The following AFAP1L1 variants were observed in gnomAD, a reference collection of about 807,000 sequenced individuals.
AFAP1L1 encodes the protein actin filament-associated protein 1-like 1.
In AFAP1L1, 77 loss-of-function variants were observed where a neutral mutation model predicts 99.8. That is an observed-to-expected ratio of 0.77 (90% confidence interval 0.64 to 0.93). The LOEUF (loss-of-function observed/expected upper bound fraction) is 0.93, where lower values mean the gene tolerates loss of function less well. AFAP1L1 is among the 40% of genes least tolerant of loss of function. The pLI is 0.00. For missense variants in AFAP1L1, 893 were observed against 996.8 expected (o/e 0.90, Z 1.40); for synonymous variants, 373 against 395.3 (o/e 0.94, Z 0.67).
At chr5:149,327,483 T>C (rs569482469) in intron 15 of AFAP1L1, among the ~76,000 whole-genome samples, 81 of 152,204 alleles carry the variant, frequency 5.3e-4, no homozygotes, top group African/African-American at 1.6e-3. Context: ...ACTACAGTTA[T>C]ATGGAATATA....
rs1002782225 is a variant in AFAP1L1 at position 149,340,877 on chromosome 5, T to A, written c.*847T>A. 8.2e-6 allele frequency: 1 copy of A among 121,224 alleles called. No homozygotes were observed. 7.5% of individuals were successfully genotyped at this position (121,224 alleles called of 1,614,324 possible). On this transcript the variant is annotated 3_prime_UTR_variant, in exon 19 of 19. Transcript: ENST00000296721. Reference sequence around the variant, plus strand: ...TATGGGTTAGAAATCCAGGAGGCAATATGTCTTTATTCTAATGAAGTCCTC... The same window carrying A: ...TATGGGTTAGAAATCCAGGAGGCAAAATGTCTTTATTCTAATGAAGTCCTC...
intron 1 of AFAP1L1, among the ~76,000 whole-genome samples, chr5:149,298,672 C>T (rs916257947): frequency 6.6e-6 from 1 of 152,134 alleles, no homozygotes; most frequent in Non-Finnish European, 1.5e-5. Flanking sequence ...TGGTCTTTGG[C>T]TCTAAGGCAA....
intron 1 of AFAP1L1, among the ~76,000 whole-genome samples, chr5:149,295,734 GT>G (rs990132083): frequency 2.0e-5 from 3 of 152,210 alleles, no homozygotes; most frequent in African/African-American, 7.2e-5. Context: ...AGTTTTTAAA[GT>G]TTTAAAGTGT....
chr5:149,333,995 C>T (rs1757334979), intron 17 of AFAP1L1, among the ~76,000 whole-genome samples: 1 of 152,186 alleles, frequency 6.6e-6, no homozygotes, highest in Admixed American at 6.5e-5. Context: ...AATTGGACTA[C>T]ATCCATTTGT....
At chr5:149,298,826 C>T (rs191788051) in intron 1 of AFAP1L1, among the ~76,000 whole-genome samples, 2 of 152,248 alleles carry the variant, frequency 1.3e-5, no homozygotes, top group East Asian at 1.9e-4. Context: ...CAGCTTGGTG[C>T]GGATCAGAAA....
rs768553172 is a variant in AFAP1L1 at position 149,319,643 on chromosome 5, G to T, written c.1541G>T (p.Arg514Ile). 15 of 1,613,064 alleles carry T rather than the reference G, an allele frequency of 9.3e-6. No individual in the cohort carries two copies. The highest frequency in any genetic ancestry group is 1.3e-5 in the Non-Finnish European group (15 of 1,180,020). ...LGLLLVEMGSRVTPEALHYDY... is the reference protein window; with the variant it reads ...LGLLLVEMGSIVTPEALHYDY... ...CTGCTGCTGGTGGAGATGGGCTCCA[G>T]AGTCACTCCGGAGGCGCTGCACTAT... The change falls in exon 13 of 19, where the codon AGA (arginine) becomes ATA (isoleucine). Residue 514 changes from arginine to isoleucine, a missense_variant. By Grantham distance (97) the Arg-to-Ile change is moderately conservative. Transcript: ENST00000296721.
rs1350024936 is a variant in AFAP1L1 at position 149,342,111 on chromosome 5, G to A, written c.*2081G>A. Among the ~76,000 whole-genome samples, 5 of 152,192 alleles carry A rather than the reference G, an allele frequency of 3.3e-5. No homozygotes were observed. Among genetic ancestry groups the A allele is most frequent in the Admixed American group, 3.3e-4 (5 of 15,280 alleles). On this transcript the variant is annotated 3_prime_UTR_variant, in exon 19 of 19. Coordinates refer to ENST00000296721, the MANE Select transcript of AFAP1L1 (RefSeq NM_152406.4). The stretch of plus-strand genomic sequence containing the variant: ...CCTGTGCAGTCACACAGGGCCCCAT[G>A]CTTAGAAGGGCCCTGTTCTTGGTTT...
intron 1 of AFAP1L1, chr5:149,276,666 A>G (rs950917075): frequency 7.6e-6 from 1 of 132,214 alleles, no homozygotes. Context: ...TTTAGTAATT[A>G]CAATTTTTTT....
At chr5:149,281,787 A>T (rs1266734521) in intron 1 of AFAP1L1, among the ~76,000 whole-genome samples, 2 of 152,128 alleles carry the variant, frequency 1.3e-5, no homozygotes, top group African/African-American at 2.4e-5. Context: ...TATACGAGGG[A>T]CTTGCTAGTT....
chr5:149,309,869 G>A (rs989167097), intron 7 of AFAP1L1, 87 bp from the exon 8 acceptor site: 21 of 1,567,874 alleles, frequency 1.3e-5, no homozygotes, highest in East Asian at 2.2e-5. Context: ...AAGGGAGGTC[G>A]GGCTTCCCCC....
rs1561675605 is a variant in AFAP1L1, at chr5:149,312,213, G to T, written c.1020+9G>T. ...AGTTGGACCTGGACAAGGTATATCT[G>T]TCTCCACTAAGTCTTCCCCAGGCCA... On this transcript the variant is annotated intron_variant, in intron 9 of 18. Transcript: ENST00000296721. The T allele has an allele frequency of 6.2e-7, 1 of 1,613,738 alleles. No homozygotes were observed.
chr5:149,330,439 T>C (rs995587320), intron 16 of AFAP1L1, among the ~76,000 whole-genome samples: 19 of 152,186 alleles, frequency 1.2e-4, no homozygotes, highest in Admixed American at 1.2e-3. Context: ...CACAAACATG[T>C]AGCCCTATGA....
chr5:149,282,085 G>C (rs1755535920), intron 1 of AFAP1L1, among the ~76,000 whole-genome samples: 1 of 152,138 alleles, frequency 6.6e-6, no homozygotes, highest in South Asian at 2.1e-4. Context: ...TTCCATTCGG[G>C]GAATCCCAGC....
chr5:149,333,309 G>T (rs988788167), intron 17 of AFAP1L1, among the ~76,000 whole-genome samples: 1 of 152,192 alleles, frequency 6.6e-6, no homozygotes, highest in Non-Finnish European at 1.5e-5. Flanking sequence ...CAGAGATGTC[G>T]AATGACTTGC....
At chr5:149,316,121 C>G (rs781405915) in intron 10 of AFAP1L1, 30 bp from the exon 11 acceptor site, 2 of 1,603,786 alleles carry the variant, frequency 1.2e-6, no homozygotes, top group East Asian at 2.2e-5. Context: ...TCAGGGCTCC[C>G]TCCACTCCCC....
chr5:149,331,426 C>G (rs1757255655), intron 16 of AFAP1L1, among the ~76,000 whole-genome samples: 1 of 152,114 alleles, frequency 6.6e-6, no homozygotes, highest in Admixed American at 6.5e-5. Context: ...CGAGACCATC[C>G]TGGCTAACAC....
chr5:149,299,907 G>C (rs998614723), intron 2 of AFAP1L1, among the ~76,000 whole-genome samples: 11 of 150,926 alleles, frequency 7.3e-5, no homozygotes, highest in African/African-American at 2.2e-4. Flanking sequence ...CACACACACA[G>C]AACACACACA....
In AFAP1L1 at chr5:149,312,143, G is replaced by T; in HGVS notation, c.959G>T (p.Gly320Val). ...CGAGAAGTGAGCAAGCCAGTTGGGG[G>T]AGCTGAGGGAGTGGAGGTCCCCAGA... ...VIREVSKPVG[G>V]AEGVEVPRSP... is the part of the protein sequence containing the mutation. The change falls in exon 9 of 19, where the codon GGA becomes GTA. Residue 320 changes from glycine (G) to valine (V), a missense_variant. Coordinates refer to ENST00000296721, the MANE Select transcript of AFAP1L1 (RefSeq NM_152406.4). 1 of 1,614,046 alleles carries T rather than the reference G, an allele frequency of 6.2e-7. No homozygotes were observed. Among genetic ancestry groups the T allele is most frequent in the Non-Finnish European group, 8.5e-7 (1 of 1,180,008 alleles).
chr5:149,276,658 T>C (rs1755336854), intron 1 of AFAP1L1: 1 of 138,152 alleles, frequency 7.2e-6, no homozygotes, highest in African/African-American at 2.5e-5. Flanking sequence ...CTGGCTATTT[T>C]AGTAATTACA....
Sources: gnomAD v4.1 joint callset for allele counts (sites outside exome capture counted in the v4.1 genomes callset) on GRCh38, gnomAD v4.1.1 for gene constraint, MANE v1.5 for transcripts, NCBI Gene and HGNC (gene_info 2026-07-23, HGNC 2026-07-21) for gene names.